The following PTK7 variants were observed in gnomAD, a reference collection of about 807,000 sequenced individuals.
PTK7 encodes the protein protein tyrosine kinase 7 (inactive).
PTK7 carries 39 observed loss-of-function variants against 116.6 expected under a neutral mutation model. The ratio of observed to expected loss-of-function variants is 0.33; its 90% CI spans 0.26 to 0.44. PTK7 has a LOEUF of 0.44. Ranked by LOEUF, PTK7 falls within the 20% of genes least tolerant of loss-of-function variation. PTK7 has a pLI of 1.00. For synonymous variants in PTK7, 546 were observed against 563.6 expected, an observed-to-expected ratio of 0.97 and a Z score of 0.44; for missense variants, 1,169 against 1,425.6, an observed-to-expected ratio of 0.82 and a Z score of 2.90.
intron 1 of PTK7, among the ~76,000 whole-genome samples, chr6:43,092,833 CTG>C (rs971767720): frequency 6.6e-6 from 1 of 152,022 alleles, no homozygotes; most frequent in Non-Finnish European, 1.5e-5. Flanking sequence ...TGATGGTTAT[CTG>C]TGGTGGTTAT....
At chr6:43,123,741 G>A (rs182797039) in intron 1 of PTK7, among the ~76,000 whole-genome samples, 4 of 152,302 alleles carry the variant, frequency 2.6e-5, no homozygotes, top group South Asian at 2.1e-4. Context: ...TGGGGTCGGC[G>A]CCTGGTGTGG....
At chr6:43,081,912 C>T (rs1040157607) in intron 1 of PTK7, among the ~76,000 whole-genome samples, 1 of 152,136 alleles carries the variant, frequency 6.6e-6, no homozygotes, top group Non-Finnish European at 1.5e-5. Flanking sequence ...GACCTTCCTT[C>T]CCTGATCCTG....
At chr6:43,100,484 C>G (rs886473460) in intron 1 of PTK7, among the ~76,000 whole-genome samples, 4 of 150,036 alleles carry the variant, frequency 2.7e-5, no homozygotes, top group African/African-American at 9.9e-5. Context: ...GAAAATTGAA[C>G]TGTAATTTGA....
intron 15 of PTK7, 30 bp downstream of exon 15, chr6:43,144,636 C>T (rs757873541): frequency 6.3e-7 from 1 of 1,586,596 alleles, no homozygotes; most frequent in Admixed American, 1.7e-5. Flanking sequence ...GCTGCCCCTG[C>T]CTAACTACAA....
chr6:43,086,522 C>T (rs1766669071), intron 1 of PTK7, among the ~76,000 whole-genome samples: 1 of 151,904 alleles, frequency 6.6e-6, no homozygotes, highest in African/African-American at 2.4e-5. Flanking sequence ...TCGTATGGTA[C>T]CTTTGTGCAC....
intron 1 of PTK7, among the ~76,000 whole-genome samples, chr6:43,112,872 A>T (rs952641933): frequency 6.6e-6 from 1 of 152,158 alleles, no homozygotes; most frequent in Non-Finnish European, 1.5e-5. Flanking sequence ...TCTGTCACCC[A>T]GGCTGCAGTG....
chr6:43,103,564 T>C (rs1397073848), intron 1 of PTK7, among the ~76,000 whole-genome samples: 1 of 152,092 alleles, frequency 6.6e-6, no homozygotes, highest in Non-Finnish European at 1.5e-5. Context: ...GAGTCAAATA[T>C]GCCCAATCAG....
intron 1 of PTK7, among the ~76,000 whole-genome samples, chr6:43,109,505 A>G (rs1213045377): frequency 3.9e-5 from 6 of 152,154 alleles, no homozygotes; most frequent in Non-Finnish European, 5.9e-5. Flanking sequence ...ATTTTTTAGA[A>G]CATTAGTACA....
At chr6:43,079,110 A>G (rs1188612824) in intron 1 of PTK7, among the ~76,000 whole-genome samples, 1 of 152,172 alleles carries the variant, frequency 6.6e-6, no homozygotes, top group African/African-American at 2.4e-5. Context: ...AGCAATGGAG[A>G]TAAAGTATGG....
intron 1 of PTK7, among the ~76,000 whole-genome samples, chr6:43,113,933 C>T (rs1768339713): frequency 6.6e-6 from 1 of 152,178 alleles, no homozygotes; most frequent in Non-Finnish European, 1.5e-5. Flanking sequence ...CTTTAACTCC[C>T]TCTGGCCTTC....
rs1209894679 is a variant in PTK7 at position 43,158,064 on chromosome 6, C to T, written c.2722-753C>T. 3.3e-5 allele frequency among the ~76,000 whole-genome samples: 5 copies of T among 151,878 alleles called. No homozygotes were observed. The East Asian group carries it at 7.7e-4, about 24-fold the overall frequency. ...CTGTAATCCCAGCACTTTGGAAGGC[C>T]GAGGCGGGCGGATCACAAGGTCAGG... is the stretch of plus-strand genomic sequence containing the variant. On this transcript the variant is annotated intron_variant, in intron 17 of 19. Coordinates refer to ENST00000230419, the MANE Select transcript of PTK7 (RefSeq NM_002821.5).
chr6:43,077,142 AG>A (rs1766085523), intron 1 of PTK7, among the ~76,000 whole-genome samples: 1 of 152,194 alleles, frequency 6.6e-6, no homozygotes, highest in East Asian at 1.9e-4. Flanking sequence ...TGAGGGCGGA[AG>A]AAGGGAAGAG....
chr6:43,094,147 A>G (rs943628151), intron 1 of PTK7, among the ~76,000 whole-genome samples: 3 of 152,230 alleles, frequency 2.0e-5, no homozygotes, highest in African/African-American at 4.8e-5. Flanking sequence ...CCAATTTCCC[A>G]TCTGCCTGGC....
chr6:43,092,602 A>G (rs1019697749), intron 1 of PTK7, among the ~76,000 whole-genome samples: 5 of 152,180 alleles, frequency 3.3e-5, no homozygotes, highest in South Asian at 4.1e-4. Flanking sequence ...ACTACTGTAT[A>G]TAACATTGTG....
At chr6:43,160,288 T>G (rs2150487161) in intron 19 of PTK7, among the ~76,000 whole-genome samples, 1 of 152,270 alleles carries the variant, frequency 6.6e-6, no homozygotes, top group Admixed American at 6.5e-5. Flanking sequence ...GGCTAATTTT[T>G]GTATTTTTAG....
At chr6:43,080,476 T>C (rs763625038) in intron 1 of PTK7, among the ~76,000 whole-genome samples, 1 of 152,260 alleles carries the variant, frequency 6.6e-6, no homozygotes, top group Non-Finnish European at 1.5e-5. Context: ...AATTTTTATC[T>C]TCCCCCAGTG....
At chr6:43,091,522 A>T (rs1038430420) in intron 1 of PTK7, among the ~76,000 whole-genome samples, 1 of 152,150 alleles carries the variant, frequency 6.6e-6, no homozygotes, top group African/African-American at 2.4e-5. Flanking sequence ...GAGTTCTTGC[A>T]AGAGTTGAGT....
At chr6:43,124,984 C>T (rs192368290) in intron 1 of PTK7, among the ~76,000 whole-genome samples, 2 of 152,184 alleles carry the variant, frequency 1.3e-5, no homozygotes, top group African/African-American at 2.4e-5. Flanking sequence ...ACCAGCCTGA[C>T]CAACATGGAG....
At chr6:43,087,224 C>T (rs944476505) in intron 1 of PTK7, among the ~76,000 whole-genome samples, 3 of 152,192 alleles carry the variant, frequency 2.0e-5, no homozygotes, top group East Asian at 1.9e-4. Flanking sequence ...CTGCTGAAGT[C>T]TTGACCTATT....
Sources: allele counts gnomAD v4.1 joint callset (sites outside exome capture counted in the v4.1 genomes callset), GRCh38; gene constraint gnomAD v4.1.1; transcripts MANE v1.5; gene names NCBI Gene and HGNC (gene_info 2026-07-23, HGNC 2026-07-21).